The following UNC79 variants were observed in gnomAD, a reference collection of about 807,000 sequenced individuals.
UNC79 encodes the protein unc-79 subunit of NALCN channel complex.
In UNC79, 37 loss-of-function variants were observed where a neutral mutation model predicts 283.1. The ratio of observed to expected loss-of-function variants is 0.13; its 90% CI spans 0.10 to 0.17. The LOEUF (loss-of-function observed/expected upper bound fraction) is 0.17, where lower values mean the gene tolerates loss of function less well. UNC79 is among the 10% of genes least tolerant of loss of function. UNC79 has a pLI of 1.00. For synonymous variants in UNC79, 1,107 were observed against 1,200.2 expected, an observed-to-expected ratio of 0.92 and a Z score of 1.61; for missense variants, 2,272 against 3,211.1, an observed-to-expected ratio of 0.71 and a Z score of 7.07.
intron 1 of UNC79, among the ~76,000 whole-genome samples, chr14:93,336,442 A>G (rs2053579454): frequency 6.6e-6 from 1 of 152,072 alleles, no homozygotes; most frequent in Non-Finnish European, 1.5e-5. Context: ...CCTGGGTTCA[A>G]GTGATTCTCC....
chr14:93,633,869 T>C (rs2068261117), intron 31 of UNC79, among the ~76,000 whole-genome samples: 1 of 152,230 alleles, frequency 6.6e-6, no homozygotes, highest in Non-Finnish European at 1.5e-5. Context: ...ACTCGTGGAA[T>C]GTTGTTTGAT....
At chr14:93,623,755 T>G (rs1419627091) in intron 30 of UNC79, among the ~76,000 whole-genome samples, 4 of 152,092 alleles carry the variant, frequency 2.6e-5, no homozygotes, top group Non-Finnish European at 5.9e-5. Context: ...TAGTTGGGCG[T>G]GGTGGCGCAC....
At position 93,505,186 on chromosome 14, in the gene UNC79, T is replaced by C. The variant is rs1002516634; in HGVS notation, c.898+7900T>C. Among the ~76,000 whole-genome samples, 12 of 152,126 alleles carry C rather than the reference T, an allele frequency of 7.9e-5. 1 individual carries two copies. Among genetic ancestry groups the C allele is most frequent in the Non-Finnish European group, 2.9e-5 (2 of 67,936 alleles). ...CAATGAAATTAAATTTGTAATTGTTTAATTCAAATCCTGTATATTCTCATG... is the reference window on the plus strand; with the variant it reads ...CAATGAAATTAAATTTGTAATTGTTCAATTCAAATCCTGTATATTCTCATG... On this transcript the variant is annotated intron_variant, in intron 7 of 48. Coordinates refer to ENST00000555664, the Ensembl canonical transcript of UNC79.
chr14:93,446,386 T>A (rs912153613), intron 1 of UNC79, among the ~76,000 whole-genome samples: 11 of 135,156 alleles, frequency 8.1e-5, no homozygotes, highest in Admixed American at 2.6e-4. Flanking sequence ...TCTTTAGACA[T>A]GTGTGTGGTT....
rs142274584 is a variant in UNC79 at position 93,630,670 on chromosome 14, T to G, written c.5609-131T>G. ...TAGTGTATATGTAATTCCATGAAAG[T>G]AATTATTAGGCCAGGAAAGTGTATA... On this transcript the variant is annotated intron_variant, in intron 30 of 48. Coordinates refer to ENST00000555664, the Ensembl canonical transcript of UNC79. 1.1e-3 allele frequency: 723 copies of G among 665,730 alleles called. 6 individuals carry two copies. The highest frequency in any genetic ancestry group is 1.5e-4 in the Non-Finnish European group (59 of 390,266). The allele number at this position is 665,730 out of a possible 1,614,324, so 41.2% of individuals were successfully genotyped here. A position where few individuals can be genotyped will look rare whatever the true frequency, so the allele number is the denominator to read the frequency against.
intron 7 of UNC79, among the ~76,000 whole-genome samples, chr14:93,521,243 C>T (rs2060306298): frequency 6.6e-6 from 1 of 151,972 alleles, no homozygotes; most frequent in Non-Finnish European, 1.5e-5. Context: ...GAATATCTTC[C>T]AGCCCTGTAC....
At chr14:93,408,610 T>C (rs1006710202) in intron 1 of UNC79, among the ~76,000 whole-genome samples, 4 of 152,304 alleles carry the variant, frequency 2.6e-5, no homozygotes, top group African/African-American at 9.6e-5. Flanking sequence ...GAAGATTGCT[T>C]GAGCCCAGAA....
chr14:93,474,436 T>G lies in UNC79; in HGVS notation c.448+43T>G, dbSNP rs1222642828. On this transcript the variant is annotated intron_variant, in intron 3 of 48. Transcript: ENST00000555664. This position sits in a 1 kb window ranked among gnomAD's most constrained non-coding sequence, Gnocchi z 4.1. Reference sequence around the variant, plus strand: ...ACCTTTGGAAATGTACGTGGATGCTTATGAATGTATATGATGCTGAGCAAG... The same window carrying G: ...ACCTTTGGAAATGTACGTGGATGCTGATGAATGTATATGATGCTGAGCAAG... The G allele has an allele frequency of 1.3e-6, 2 of 1,507,104 alleles. No homozygotes were observed. The highest frequency in any genetic ancestry group is 4.0e-5 in the Admixed American group (2 of 49,744). 93.4% of individuals were successfully genotyped at this position (1,507,104 alleles called of 1,614,324 possible).
chr14:93,487,703 C>G lies in UNC79; in HGVS notation c.660C>G (p.Asn220Lys), dbSNP rs777377323. The G allele has an allele frequency of 2.5e-6, 4 of 1,613,922 alleles. No homozygotes were observed. The Admixed American group carries it at 6.7e-5, about 27-fold the overall frequency. Reference sequence around the variant, plus strand: ...GAGAAGGTGTACCTGCCCATGTTAACCTCTCTGCATCATCCATGCTAATGA... The same window carrying G: ...GAGAAGGTGTACCTGCCCATGTTAAGCTCTCTGCATCATCCATGCTAATGA... Residue 220 changes from asparagine (N) to lysine (K), a missense_variant, in exon 5 of 49, where the codon AAC becomes AAG. Physicochemically the swap from Asn to Lys is moderately conservative, Grantham distance 94. Around this residue, in one of 11 missense-constraint regions of UNC79, gnomAD observed 194 missense variants for 268.9 expected, o/e 0.72. Transcript: ENST00000555664.
intron 1 of UNC79, among the ~76,000 whole-genome samples, chr14:93,333,964 C>T (rs1022425012): frequency 1.4e-5 from 2 of 147,284 alleles, no homozygotes; most frequent in African/African-American, 4.9e-5. Context: ...CCTCCTTTTC[C>T]TCTGATAGAC....
intron 47 of UNC79, among the ~76,000 whole-genome samples, chr14:93,700,513 T>G (rs1366085214): frequency 6.6e-6 from 1 of 152,166 alleles, no homozygotes; most frequent in Non-Finnish European, 1.5e-5. Context: ...TTCTCCTCAT[T>G]CGTGTGTTTC....
intron 41 of UNC79, among the ~76,000 whole-genome samples, chr14:93,680,920 T>C (rs1204678883): frequency 6.6e-6 from 1 of 152,240 alleles, no homozygotes; most frequent in Non-Finnish European, 1.5e-5. Context: ...CTATCAAATA[T>C]TTCAGGTTTC....
In UNC79 at chr14:93,492,801, T is replaced by C. The variant is rs545707401; in HGVS notation, c.713-3610T>C. Among the ~76,000 whole-genome samples, 16 of 152,336 alleles carry C rather than the reference T, an allele frequency of 1.1e-4. No individual in the cohort carries two copies. The East Asian group carries it at 2.5e-3, about 24-fold the overall frequency. ...CCTGTGGAGATCAGCAGACACTATG[T>C]ACAAGAAAGTGTCTTGGAACATCTG... is the stretch of plus-strand genomic sequence containing the variant. On this transcript the variant is annotated intron_variant, in intron 5 of 48. Coordinates refer to ENST00000555664, the Ensembl canonical transcript of UNC79.
intron 1 of UNC79, among the ~76,000 whole-genome samples, chr14:93,461,972 A>AAAG (rs78329885): frequency 0.012 from 1,742 of 145,716 alleles, 20 homozygotes; most frequent in African/African-American, 0.033. Flanking sequence ...CAAAAAAAAA[A>AAAG]AAAGAAAGAA....
At chr14:93,400,033 C>G (rs2055075423) in intron 1 of UNC79, among the ~76,000 whole-genome samples, 1 of 152,142 alleles carries the variant, frequency 6.6e-6, no homozygotes, top group Non-Finnish European at 1.5e-5. Context: ...TGCATGTTAT[C>G]CATCATTGAC....
intron 1 of UNC79, among the ~76,000 whole-genome samples, chr14:93,371,579 G>A (rs938089559): frequency 2.0e-4 from 31 of 151,902 alleles, no homozygotes; most frequent in Middle Eastern, 3.4e-3. Context: ...GGTGGCTCAC[G>A]CCTGTAATCC....
rs187142999 is a variant in UNC79, at chr14:93,635,722, A to G, written c.5717-1494A>G. On this transcript the variant is annotated intron_variant, in intron 31 of 48. Transcript: ENST00000555664. Reference sequence around the variant, plus strand: ...GATAGTTTCAACTCTCCTGGACTTTATAAGGGTTCTTTACATTGTAAAGGT... The same window carrying G: ...GATAGTTTCAACTCTCCTGGACTTTGTAAGGGTTCTTTACATTGTAAAGGT... Among the ~76,000 whole-genome samples the G allele has an allele frequency of 2.6e-4, 40 of 152,326 alleles. 2 individuals are homozygous for G. The East Asian group carries it at 7.3e-3, about 28-fold the overall frequency.
At chr14:93,333,733 T>C (rs1033827168) in intron 1 of UNC79, among the ~76,000 whole-genome samples, 1 of 152,220 alleles carries the variant, frequency 6.6e-6, no homozygotes, top group African/African-American at 2.4e-5. Flanking sequence ...TGCAATAATT[T>C]CAGCGATGCA....
At chr14:93,572,608 G>A (rs2063269602) in intron 15 of UNC79, 85 bp from the exon 16 acceptor site, 1 of 1,565,548 alleles carries the variant, frequency 6.4e-7, no homozygotes, top group Non-Finnish European at 8.6e-7. Flanking sequence ...TCTCCAAATA[G>A]GGAATAGTTA....
Sources: allele counts gnomAD v4.1 joint callset (sites outside exome capture counted in the v4.1 genomes callset), GRCh38; gene constraint gnomAD v4.1.1; regional missense constraint gnomAD v4.1.1; non-coding constraint Gnocchi (gnomAD v3.1); transcripts MANE v1.5; gene names NCBI Gene and HGNC (gene_info 2026-07-23, HGNC 2026-07-21).